Variants in ZNF528 observed in about 807,000 individuals in gnomAD.
The protein encoded by ZNF528 is zinc finger protein 528.
ZNF528 carries 9 observed loss-of-function variants against 13.3 expected under a neutral mutation model. The ratio of observed to expected loss-of-function variants is 0.67; its 90% CI spans 0.41 to 1.18. The LOEUF is 1.18. Among genes scored for constraint, ZNF528 ranks in the 50% most tolerant of loss-of-function variants. The pLI is 0.01. For missense variants in ZNF528, 858 were observed against 745.4 expected, an observed-to-expected ratio of 1.15 and a Z score of -1.76; for synonymous variants, 264 against 254.3, an observed-to-expected ratio of 1.04 and a Z score of -0.36.
In ZNF528 at chr19:52,416,130, A is replaced by G. The variant is rs1325098962; in HGVS notation, c.1278A>G (p.Arg426=). ...TTAGTCAGAAATCAGACCTTATACG[A>G]CATCGAAAAACTCATACTGATGAGA... The part of the protein sequence containing the change: ...KIFSQKSDLI[R]HRKTHTDEKP... Residue 426 remains arginine, a synonymous_variant, in exon 7 of 7, where the codon CGA becomes CGG. Coordinates refer to ENST00000360465, the MANE Select transcript of ZNF528 (RefSeq NM_032423.3). 1.9e-6 allele frequency: 3 copies of G among 1,614,064 alleles called. No homozygotes were observed. Among genetic ancestry groups the G allele is most frequent in the Non-Finnish European group, 2.5e-6 (3 of 1,180,016 alleles).
Position 52,398,575 on chromosome 19 carries a change from A to G in ZNF528, c.-181A>G. 1.0e-6 allele frequency: 1 copy of G among 985,454 alleles called. No individual in the cohort carries two copies. The highest frequency in any genetic ancestry group is 1.2e-6 in the Non-Finnish European group (1 of 829,938). 61.0% of individuals were successfully genotyped at this position (985,454 alleles called of 1,614,324 possible). A position where few individuals can be genotyped will look rare whatever the true frequency, so the allele number is the denominator to read the frequency against. On this transcript the variant is annotated 5_prime_UTR_variant, in exon 2 of 7. Coordinates refer to ENST00000360465, the MANE Select transcript of ZNF528 (RefSeq NM_032423.3). The stretch of plus-strand genomic sequence containing the variant: ...AGAGGAAATAGAGAAATTTTGAAAG[A>G]GAAATGAAGAATGAGAGACCCATTA...
chr19:52,415,428 C>G lies in ZNF528; in HGVS notation c.576C>G (p.Gly192=). The part of the protein sequence containing the change: ...REKAYKCNEH[G]QVFRASASLT... ...AAGCTTATAAATGTAATGAGCACGG[C>G]CAAGTCTTTAGAGCATCTGCAAGCC... Residue 192 remains glycine, a synonymous_variant, in exon 7 of 7, where the codon GGC becomes GGG. Coordinates refer to ENST00000360465, the MANE Select transcript of ZNF528 (RefSeq NM_032423.3). The G allele has an allele frequency of 1.2e-6, 2 of 1,614,170 alleles. No individual in the cohort carries two copies. The highest frequency in any genetic ancestry group is 1.7e-6 in the Non-Finnish European group (2 of 1,180,032).
intron 6 of ZNF528, among the ~76,000 whole-genome samples, chr19:52,410,004 C>T (rs2058909859): frequency 6.6e-6 from 1 of 152,074 alleles, no homozygotes; most frequent in East Asian, 1.9e-4. Flanking sequence ...CATGAGCCAC[C>T]ATGCCCAGCC....
chr19:52,409,726 T>C (rs2058905872), intron 6 of ZNF528, among the ~76,000 whole-genome samples: 1 of 152,048 alleles, frequency 6.6e-6, no homozygotes, highest in Non-Finnish European at 1.5e-5. Context: ...TTGTTTTTGT[T>C]TTTTTTGAGA....
Position 52,416,435 on chromosome 19 carries a change from A to G in ZNF528, c.1583A>G (p.Lys528Arg). Reference sequence around the variant, plus strand: ...CCTTACAAATGTAATCAATGTGGCAAGGTCTTTAATCAAGCATCATACCTT... The same window carrying G: ...CCTTACAAATGTAATCAATGTGGCAGGGTCTTTAATCAAGCATCATACCTT... ...EKPYKCNQCG[K>R]VFNQASYLTR... is the part of the protein sequence containing the mutation. The change falls in exon 7 of 7, where the codon AAG (lysine) becomes AGG (arginine). Residue 528 changes from lysine to arginine, a missense_variant. By Grantham distance (26) the Lys-to-Arg change is conservative. Transcript: ENST00000360465. 1 of 1,614,186 alleles carries G rather than the reference A, an allele frequency of 6.2e-7. No individual in the cohort carries two copies. Among genetic ancestry groups the G allele is most frequent in the Non-Finnish European group, 8.5e-7 (1 of 1,180,026 alleles).
Position 52,417,569 on chromosome 19 carries a change from T to C in ZNF528, c.*830T>C, listed in dbSNP as rs983941352. ...AATGCAAGGAAAAAGGTAGCCACCTTCTCCATTGAACAGCAGTACCTGCTG... is the reference window on the plus strand; with the variant it reads ...AATGCAAGGAAAAAGGTAGCCACCTCCTCCATTGAACAGCAGTACCTGCTG... On this transcript the variant is annotated 3_prime_UTR_variant, in exon 7 of 7. Coordinates refer to ENST00000360465, the MANE Select transcript of ZNF528 (RefSeq NM_032423.3). 2.6e-5 allele frequency: 4 copies of C among 152,484 alleles called. No homozygotes were observed. The highest frequency in any genetic ancestry group is 5.9e-5 in the Non-Finnish European group (4 of 68,350). The allele number at this position is 152,484 out of a possible 1,614,324, so 9.4% of individuals were successfully genotyped here.
Position 52,405,994 on chromosome 19 carries a change from G to A in ZNF528, c.103G>A (p.Asp35Asn). The A allele has an allele frequency of 5.6e-6, 9 of 1,611,840 alleles. No homozygotes were observed. Among genetic ancestry groups the A allele is most frequent in the Non-Finnish European group, 7.6e-6 (9 of 1,178,408 alleles). The change falls in exon 5 of 7, where the codon GAC (aspartate) becomes AAC (asparagine). Residue 35 changes from aspartate to asparagine, a missense_variant. Coordinates refer to ENST00000360465, the MANE Select transcript of ZNF528 (RefSeq NM_032423.3). ...LDPAQRTLYR[D>N]VMLENYRNLV... ...CCCTGCGCAGAGGACTTTATACAGG[G>A]ACGTGATGTTGGAGAATTATAGGAA...
intron 6 of ZNF528, among the ~76,000 whole-genome samples, chr19:52,410,846 G>A (rs868193213): frequency 3.3e-5 from 5 of 152,196 alleles, no homozygotes; most frequent in African/African-American, 1.2e-4. Flanking sequence ...TGGTAAAGAT[G>A]TGTAAGTTGA....
At chr19:52,401,227 G>C (rs568144399) in intron 2 of ZNF528, among the ~76,000 whole-genome samples, 1 of 151,742 alleles carries the variant, frequency 6.6e-6, no homozygotes, top group Non-Finnish European at 1.5e-5. Context: ...CCACCTCCAC[G>C]TGTCCAAAAT....
Position 52,414,114 on chromosome 19 carries a change from T to C in ZNF528, c.272-1010T>C, listed in dbSNP as rs371784111. The C allele has an allele frequency of 1.2e-4, 84 of 675,754 alleles. No individual in the cohort carries two copies. In the East Asian group the frequency reaches 1.3e-3, roughly 10 times the overall value. 41.9% of individuals were successfully genotyped at this position (675,754 alleles called of 1,614,324 possible). On this transcript the variant is annotated intron_variant, in intron 6 of 6. Transcript: ENST00000360465. Reference sequence around the variant, plus strand: ...GCAGTACTTTAGAGCACCGACCTCATATCGCTCCCAGTACCTCTTCAGGGC... The same window carrying C: ...GCAGTACTTTAGAGCACCGACCTCACATCGCTCCCAGTACCTCTTCAGGGC...
chr19:52,417,078 G>T lies in ZNF528; in HGVS notation c.*339G>T. On this transcript the variant is annotated 3_prime_UTR_variant, in exon 7 of 7. Coordinates refer to ENST00000360465, the MANE Select transcript of ZNF528 (RefSeq NM_032423.3). ...AATATGTTGAATCTCATGACCTGAT[G>T]TATATCAAAGGTGCAACGGCTTGTA... 3.8e-6 allele frequency: 1 copy of T among 265,888 alleles called. No homozygotes were observed. Among genetic ancestry groups the T allele is most frequent in the Non-Finnish European group, 7.2e-6 (1 of 138,450 alleles). 16.5% of individuals were successfully genotyped at this position (265,888 alleles called of 1,614,324 possible).
chr19:52,414,938 G>T (rs2058979730), intron 6 of ZNF528, 186 bp from the exon 7 acceptor site: 1 of 1,525,748 alleles, frequency 6.6e-7, no homozygotes, highest in Non-Finnish European at 8.8e-7. Context: ...GACTCCTGCA[G>T]ATTCCCCACT....
chr19:52,417,091 G>C lies in ZNF528; in HGVS notation c.*352G>C, dbSNP rs1050668969. 5.7e-5 allele frequency: 14 copies of C among 246,542 alleles called. No individual in the cohort carries two copies. Among genetic ancestry groups the C allele is most frequent in the African/African-American group, 3.1e-4 (14 of 44,704 alleles). The allele number at this position is 246,542 out of a possible 1,614,324, so 15.3% of individuals were successfully genotyped here. ...TCATGACCTGATGTATATCAAAGGT[G>C]CAACGGCTTGTAAATGACCAGTTTT... On this transcript the variant is annotated 3_prime_UTR_variant, in exon 7 of 7. Transcript: ENST00000360465.
Position 52,415,795 on chromosome 19 carries a change from C to T in ZNF528, c.943C>T (p.His315Tyr). Reference protein sequence around the residue: ...VFNQIAHLVRHQKIHTGEKPY... With the variant: ...VFNQIAHLVRYQKIHTGEKPY... ...CAATCAAATTGCACACCTTGTACGA[C>T]ATCAAAAAATTCATACTGGAGAGAA... Residue 315 changes from histidine to tyrosine, a missense_variant, in exon 7 of 7, where the codon CAT becomes TAT. Coordinates refer to ENST00000360465, the MANE Select transcript of ZNF528 (RefSeq NM_032423.3). The T allele has an allele frequency of 1.2e-6, 2 of 1,613,940 alleles. No individual in the cohort carries two copies. Among genetic ancestry groups the T allele is most frequent in the East Asian group, 2.2e-5 (1 of 44,800 alleles).
chr19:52,402,588 A>G (rs1222276120), intron 4 of ZNF528: 1 of 153,124 alleles, frequency 6.5e-6, no homozygotes, highest in Non-Finnish European at 1.5e-5. Context: ...TTTCTAGTAG[A>G]GATGGGGTTT....
intron 6 of ZNF528, chr19:52,414,518 A>G: frequency 1.8e-6 from 1 of 565,682 alleles, no homozygotes; most frequent in South Asian, 2.1e-5. Context: ...ACAGGTTTGC[A>G]AGACTGCATT....
In ZNF528 at chr19:52,415,745, A is replaced by C; in HGVS notation, c.893A>C (p.Lys298Thr). 7.4e-6 allele frequency: 12 copies of C among 1,614,068 alleles called. No individual in the cohort carries two copies. Among genetic ancestry groups the C allele is most frequent in the Non-Finnish European group, 1.0e-5 (12 of 1,180,008 alleles). The stretch of plus-strand genomic sequence containing the variant: ...ATTCATACTGGAGAGAAGCCTTACA[A>C]ATGTCATGAATGTGACAAGGTCTTC... ...QRIHTGEKPY[K>T]CHECDKVFNQ... is the part of the protein sequence containing the mutation. The change falls in exon 7 of 7, where the codon AAA becomes ACA. Residue 298 changes from lysine (K) to threonine (T), a missense_variant. Coordinates refer to ENST00000360465, the MANE Select transcript of ZNF528 (RefSeq NM_032423.3).
intron 5 of ZNF528, 35 bp from the exon 6 acceptor site, chr19:52,406,480 C>T (rs1426263298): frequency 6.2e-7 from 1 of 1,605,328 alleles, no homozygotes; most frequent in Admixed American, 1.7e-5. Flanking sequence ...TTGGGAGATG[C>T]CACAGCACAC....
At chr19:52,407,132 G>T (rs539868240) in intron 6 of ZNF528, among the ~76,000 whole-genome samples, 3 of 150,490 alleles carry the variant, frequency 2.0e-5, no homozygotes, top group African/African-American at 7.3e-5. Flanking sequence ...TTTATGTGGA[G>T]ATGGGGTTTC....
Sources: allele counts gnomAD v4.1 joint callset (sites outside exome capture counted in the v4.1 genomes callset), GRCh38; gene constraint gnomAD v4.1.1; transcripts MANE v1.5; gene names NCBI Gene and HGNC (gene_info 2026-07-23, HGNC 2026-07-21).